Variants in TBC1D23 observed in about 807,000 individuals in gnomAD.
TBC1D23 encodes the protein TBC1 domain family member 23, also known as HCV non-structural protein 4A-transactivated protein 1.
TBC1D23 carries 55 observed loss-of-function variants against 91.4 expected under a neutral mutation model. The ratio of observed to expected loss-of-function variants is 0.60; its 90% CI spans 0.48 to 0.75. The LOEUF is 0.75. Ranked by LOEUF, TBC1D23 falls within the 30% of genes least tolerant of loss-of-function variation. The pLI, the probability that TBC1D23 is intolerant of heterozygous loss-of-function variation, is 0.00. For synonymous variants in TBC1D23, 289 were observed against 281.0 expected (o/e 1.03, Z -0.28); for missense variants, 725 against 836.1 (o/e 0.87, Z 1.64).
chr3:100,316,294 T>C, intron 16 of TBC1D23, 107 bp downstream of exon 16: 1 of 785,004 alleles, frequency 1.3e-6, no homozygotes, highest in Non-Finnish European at 2.1e-6. Flanking sequence ...AATGAGATTC[T>C]GTAGAAATAA....
chr3:100,285,900 A>C (rs2067737886), intron 4 of TBC1D23, among the ~76,000 whole-genome samples: 1 of 152,088 alleles, frequency 6.6e-6, no homozygotes, highest in Admixed American at 6.5e-5. Flanking sequence ...AGTACTTTTA[A>C]AACATACTGG....
At chr3:100,301,932 TAA>T in intron 10 of TBC1D23, 133 bp from the exon 11 acceptor site, 1 of 623,340 alleles carries the variant, frequency 1.6e-6, no homozygotes, top group South Asian at 2.2e-5. Flanking sequence ...ATTTTATTTA[TAA>T]GAGCCTTTTT....
At chr3:100,275,253 T>C (rs774756562) in intron 1 of TBC1D23, among the ~76,000 whole-genome samples, 11 of 152,204 alleles carry the variant, frequency 7.2e-5, no homozygotes, top group Admixed American at 4.6e-4. Flanking sequence ...TTGTGTTTTT[T>C]TTTTGTTTGT....
At chr3:100,298,929 G>A (rs770337932) in intron 9 of TBC1D23, among the ~76,000 whole-genome samples, 14 of 152,010 alleles carry the variant, frequency 9.2e-5, no homozygotes, top group South Asian at 6.2e-4. Context: ...ACTATATAGC[G>A]TTTTATAATT....
intron 15 of TBC1D23, among the ~76,000 whole-genome samples, chr3:100,314,598 T>C (rs1165162160): frequency 6.6e-6 from 1 of 151,958 alleles, no homozygotes; most frequent in Non-Finnish European, 1.5e-5. Context: ...AGATCCTGTC[T>C]CTGAAAAAAT....
chr3:100,310,592 A>G (rs1204595394), intron 14 of TBC1D23, 50 bp downstream of exon 14: 2 of 1,434,406 alleles, frequency 1.4e-6, no homozygotes, highest in African/African-American at 1.4e-5. Flanking sequence ...AAAACTAAAG[A>G]AACAATGTCT....
At chr3:100,302,520 C>T (rs1027080663) in intron 11 of TBC1D23, among the ~76,000 whole-genome samples, 5 of 152,092 alleles carry the variant, frequency 3.3e-5, no homozygotes, top group East Asian at 1.9e-4. Flanking sequence ...ATTAATATAC[C>T]GAGTTCCTCT....
In TBC1D23 at chr3:100,283,752, A is replaced by G. The variant is rs998169706; in HGVS notation, c.417A>G (p.Gln139=). Residue 139 remains glutamine (Q), a synonymous_variant, in exon 4 of 19, where the codon CAA becomes CAG. Transcript: ENST00000394144. ...IHLLKPLVHL[Q]LPRSDLYNCF... is the part of the protein sequence containing the mutation. ...TACTGAAACCATTGGTGCATCTTCA[A>G]CTGCCACGCAGCGATTTATACAACT... The G allele has an allele frequency of 1.1e-5, 18 of 1,613,558 alleles. No individual in the cohort carries two copies. The highest frequency in any genetic ancestry group is 1.5e-5 in the Non-Finnish European group (18 of 1,179,488).
At chr3:100,294,951 A>G (rs1380650014) in intron 5 of TBC1D23, 136 bp from the exon 6 acceptor site, 3 of 847,048 alleles carry the variant, frequency 3.5e-6, no homozygotes, top group Non-Finnish European at 5.3e-6. Flanking sequence ...GATTTCATAC[A>G]CTAAGATTAA....
intron 11 of TBC1D23, 86 bp from the exon 12 acceptor site, chr3:100,304,760 A>G: frequency 1.4e-6 from 1 of 727,044 alleles, no homozygotes; most frequent in Middle Eastern, 2.7e-4. Flanking sequence ...ATCACTTGGT[A>G]TTGTATTTAT....
intron 7 of TBC1D23, among the ~76,000 whole-genome samples, 157 bp from the exon 8 acceptor site, chr3:100,296,015 C>A (rs1003137250): frequency 6.6e-6 from 1 of 152,184 alleles, no homozygotes; most frequent in African/African-American, 2.4e-5. Flanking sequence ...CGTTTCAGCT[C>A]ATTTGGAGAA....
chr3:100,321,268 C>T (rs1423210114), intron 18 of TBC1D23, among the ~76,000 whole-genome samples: 1 of 152,126 alleles, frequency 6.6e-6, no homozygotes, highest in Non-Finnish European at 1.5e-5. Flanking sequence ...AAATAAGAAA[C>T]TTGTTTTAGA....
At position 100,283,771 on chromosome 3, in the gene TBC1D23, T is replaced by C. The variant is rs768490404; in HGVS notation, c.436T>C (p.Tyr146His). The change falls in exon 4 of 19, where the codon TAC (tyrosine) becomes CAC (histidine). Residue 146 changes from tyrosine to histidine, a missense_variant. Physicochemically the swap from Tyr to His is moderately conservative, Grantham distance 83. Coordinates refer to ENST00000394144, the MANE Select transcript of TBC1D23 (RefSeq NM_001199198.3). ...TCTTCAACTGCCACGCAGCGATTTA[T>C]ACAACTGCTTTTATGCCATAATGAA... is the stretch of plus-strand genomic sequence containing the variant. Reference protein sequence around the residue: ...VHLQLPRSDLYNCFYAIMNKY... With the variant: ...VHLQLPRSDLHNCFYAIMNKY... The C allele has an allele frequency of 1.9e-6, 3 of 1,613,166 alleles. No homozygotes were observed. The highest frequency in any genetic ancestry group is 2.5e-6 in the Non-Finnish European group (3 of 1,179,098).
At chr3:100,272,643 A>G (rs997525615) in intron 1 of TBC1D23, among the ~76,000 whole-genome samples, 10 of 152,212 alleles carry the variant, frequency 6.6e-5, no homozygotes, top group Admixed American at 6.5e-4. Flanking sequence ...GGATCCCGCC[A>G]GCCTCTGAGT....
chr3:100,264,324 T>C (rs1181532598), intron 1 of TBC1D23, among the ~76,000 whole-genome samples: 1 of 150,714 alleles, frequency 6.6e-6, no homozygotes, highest in African/African-American at 2.4e-5. Context: ...TTTCTTTATC[T>C]CTCTTTCTTT....
At chr3:100,283,472 A>G in intron 3 of TBC1D23, 135 bp from the exon 4 acceptor site, 2 of 614,292 alleles carry the variant, frequency 3.3e-6, no homozygotes, top group South Asian at 2.3e-5. Flanking sequence ...AAGGGAAAAT[A>G]TACTTTCATG....
At chr3:100,303,860 C>CT (rs1173091499) in intron 11 of TBC1D23, among the ~76,000 whole-genome samples, 6 of 151,898 alleles carry the variant, frequency 4.0e-5, no homozygotes, top group Non-Finnish European at 8.8e-5. Context: ...ATATTGTGAA[C>CT]TTTTTTTTAA....
At chr3:100,316,272 C>CT (rs1384404687) in intron 16 of TBC1D23, 85 bp downstream of exon 16, 1 of 938,524 alleles carries the variant, frequency 1.1e-6, no homozygotes. Context: ...CAATCAACTG[C>CT]TTTTTTAAAA....
chr3:100,282,131 C>T (rs2067700510), intron 3 of TBC1D23, among the ~76,000 whole-genome samples: 1 of 151,970 alleles, frequency 6.6e-6, no homozygotes, highest in Admixed American at 6.6e-5. Flanking sequence ...GCCAACATGG[C>T]AAAACCCTGT....
Sources: gnomAD v4.1 joint callset for allele counts (sites outside exome capture counted in the v4.1 genomes callset) on GRCh38, gnomAD v4.1.1 for gene constraint, MANE v1.5 for transcripts, NCBI Gene and HGNC (gene_info 2026-07-23, HGNC 2026-07-21) for gene names.